Variants in DYNC2LI1 observed in about 807,000 individuals in gnomAD.
DYNC2LI1 encodes dynein cytoplasmic 2 light intermediate chain 1, also known as cytoplasmic dynein 2 light intermediate chain 1.
In DYNC2LI1, 45 loss-of-function variants were observed where a neutral mutation model predicts 51.9. The observed-to-expected ratio is 0.87, with a 90% confidence interval of 0.68 to 1.11. DYNC2LI1 has a LOEUF of 1.11. Ranked by LOEUF, DYNC2LI1 falls within the 50% of genes most tolerant of loss-of-function variation. The pLI is 0.00. For missense variants in DYNC2LI1, 490 were observed against 417.4 expected, an observed-to-expected ratio of 1.17 and a Z score of -1.51; for synonymous variants, 130 against 137.8, an observed-to-expected ratio of 0.94 and a Z score of 0.40.
intron 5 of DYNC2LI1, 195 bp from the exon 6 acceptor site, chr2:43,794,261 TA>T: frequency 1.9e-6 from 1 of 527,260 alleles, no homozygotes; most frequent in Non-Finnish European, 3.3e-6. Context: ...AACACTTAAA[TA>T]TTACTAGAGG....
At chr2:43,815,368 G>T in the DYNC2LI1 span, among the ~76,000 whole-genome samples, 2 of 152,114 alleles carry the variant, frequency 1.3e-5, no homozygotes, top group East Asian at 3.8e-4. Context: ...TATCCCTAAA[G>T]AACTCATAAT....
chr2:43,819,789 T>C, the DYNC2LI1 span: 1 of 1,021,390 alleles, frequency 9.8e-7, no homozygotes, highest in Admixed American at 1.9e-5. Flanking sequence ...GTATAAATGC[T>C]CTAGACTATA....
At chr2:43,801,784 G>A in intron 10 of DYNC2LI1, 75 bp downstream of exon 10, 1 of 1,080,546 alleles carries the variant, frequency 9.3e-7, no homozygotes, top group Non-Finnish European at 1.4e-6. Flanking sequence ...TGTTCACTTT[G>A]TCTCCAACAT....
chr2:43,809,092 G>A (rs1272091397), intron 12 of DYNC2LI1, among the ~76,000 whole-genome samples: 1 of 151,882 alleles, frequency 6.6e-6, no homozygotes, highest in Admixed American at 6.6e-5. Context: ...AGGTTCAAGC[G>A]ATCCTCCCAC....
chr2:43,809,960 C>A lies in DYNC2LI1; in HGVS notation c.*193C>A. On this transcript the variant is annotated 3_prime_UTR_variant, in exon 13 of 13. Transcript: ENST00000260605. ...TTTAAAAGGAAAAATTATTGTAGAA[C>A]CACGTGTAATTTTTTTTAAAATAAA... 2 of 1,300,464 alleles carry A rather than the reference C, an allele frequency of 1.5e-6. No homozygotes were observed. Among genetic ancestry groups the A allele is most frequent in the Non-Finnish European group, 9.9e-7 (1 of 1,015,070 alleles). 80.6% of individuals were successfully genotyped at this position (1,300,464 alleles called of 1,614,324 possible). A position where few individuals can be genotyped will look rare whatever the true frequency, so the allele number is the denominator to read the frequency against.
chr2:43,827,114 C>T, the DYNC2LI1 span, among the ~76,000 whole-genome samples: 1 of 152,140 alleles, frequency 6.6e-6, no homozygotes. Context: ...CACCTGAGGT[C>T]AGGAGTTCGA....
intron 2 of DYNC2LI1, among the ~76,000 whole-genome samples, chr2:43,780,501 G>C (rs74343596): frequency 1.3e-5 from 2 of 152,152 alleles, no homozygotes; most frequent in Non-Finnish European, 2.9e-5. Flanking sequence ...TTTATAGGTG[G>C]CACTGGGGAG....
At chr2:43,809,295 G>T (rs1666395063) in intron 12 of DYNC2LI1, among the ~76,000 whole-genome samples, 1 of 152,072 alleles carries the variant, frequency 6.6e-6, no homozygotes, top group Non-Finnish European at 1.5e-5. Flanking sequence ...CCCAGCCTGG[G>T]TATGTATTTT....
the DYNC2LI1 span, chr2:43,828,096 T>C: frequency 6.2e-7 from 1 of 1,613,882 alleles, no homozygotes; most frequent in Non-Finnish European, 8.5e-7. Flanking sequence ...CAGACTCAGC[T>C]CTGCCATGAC....
intron 6 of DYNC2LI1, 40 bp from the exon 7 acceptor site, chr2:43,795,850 A>G (rs774450001): frequency 8.5e-6 from 13 of 1,522,160 alleles, no homozygotes; most frequent in Non-Finnish European, 9.1e-6. Context: ...ACCTAGCAAT[A>G]AAGAATTACA....
the DYNC2LI1 span, among the ~76,000 whole-genome samples, chr2:43,821,787 C>G: frequency 7.3e-3 from 1,108 of 152,172 alleles, 15 homozygotes; most frequent in African/African-American, 0.026. Context: ...ATTTCAATCT[C>G]TCTCCCCAGT....
At chr2:43,805,368 T>C (rs1666212308) in intron 12 of DYNC2LI1, 122 bp downstream of exon 12, 1 of 543,148 alleles carries the variant, frequency 1.8e-6, no homozygotes, top group South Asian at 2.8e-5. Context: ...ACTATTAAAA[T>C]TATTTAAGTA....
intron 9 of DYNC2LI1, 70 bp from the exon 10 acceptor site, chr2:43,801,569 T>C: frequency 1.8e-6 from 2 of 1,128,352 alleles, no homozygotes; most frequent in Non-Finnish European, 2.6e-6. Context: ...ATTGCTGTCA[T>C]ATTTACAGGA....
Position 43,794,527 on chromosome 2 carries a change from T to C in DYNC2LI1, c.391T>C (p.Leu131=). ...TCTCTGGCCCACCATGGAAAATCTC[T>C]TGCAAGCCACAAAAAGCCATGTAGA... ...NDLWPTMENL[L]QATKSHVDKV... is the part of the protein sequence containing the mutation. The change falls in exon 6 of 13, where the codon TTG becomes CTG. Residue 131 remains leucine, a synonymous_variant. Coordinates refer to ENST00000260605, the MANE Select transcript of DYNC2LI1 (RefSeq NM_016008.4). The C allele has an allele frequency of 1.2e-6, 2 of 1,614,032 alleles. No homozygotes were observed. Among genetic ancestry groups the C allele is most frequent in the South Asian group, 1.1e-5 (1 of 91,088 alleles).
chr2:43,827,876 C>T, the DYNC2LI1 span: 3 of 1,532,036 alleles, frequency 2.0e-6, no homozygotes, highest in South Asian at 2.4e-5. Flanking sequence ...TTCAGTTGTA[C>T]ACAAACCCCT....
chr2:43,775,976 A>G (rs903443787), intron 1 of DYNC2LI1, among the ~76,000 whole-genome samples: 1 of 146,116 alleles, frequency 6.8e-6, no homozygotes, highest in Non-Finnish European at 1.5e-5. Context: ...AAGTGCTGGG[A>G]TTACAGGTGT....
chr2:43,781,151 G>C (rs1673259527), intron 2 of DYNC2LI1, among the ~76,000 whole-genome samples: 1 of 152,100 alleles, frequency 6.6e-6, no homozygotes, highest in Non-Finnish European at 1.5e-5. Context: ...AAGATCACTT[G>C]AGGCCAGGAG....
the DYNC2LI1 span, chr2:43,822,662 T>A: frequency 1.3e-6 from 2 of 1,551,962 alleles, no homozygotes; most frequent in Non-Finnish European, 1.7e-6. Context: ...GATACGACAT[T>A]GCACTAGACA....
chr2:43,810,889 T>C (rs1344352129), downstream of DYNC2LI1, among the ~76,000 whole-genome samples: 5 of 152,202 alleles, frequency 3.3e-5, no homozygotes, highest in Non-Finnish European at 5.9e-5. Flanking sequence ...ACAAGAGTAA[T>C]AGGAATTGTT....
Sources: gnomAD v4.1 joint callset for allele counts (sites outside exome capture counted in the v4.1 genomes callset) on GRCh38, gnomAD v4.1.1 for gene constraint, MANE v1.5 for transcripts, NCBI Gene and HGNC (gene_info 2026-07-23, HGNC 2026-07-21) for gene names.